The following ST6GALNAC3 variants were observed in gnomAD, a reference collection of about 807,000 sequenced individuals.
ST6GALNAC3 encodes the protein alpha-N-acetylgalactosaminide alpha-2,6-sialyltransferase 3.
In ST6GALNAC3, 25 loss-of-function variants were observed where a neutral mutation model predicts 32.7. The observed-to-expected ratio is 0.76, with a 90% CI of 0.56 to 1.07. The LOEUF (loss-of-function observed/expected upper bound fraction) is 1.07. Ranked by LOEUF, ST6GALNAC3 falls within the 50% of genes least tolerant of loss-of-function variation. ST6GALNAC3 has a pLI of 0.00. For synonymous variants in ST6GALNAC3, 129 were observed against 133.1 expected (o/e 0.97, Z 0.21); for missense variants, 355 against 382.4 (o/e 0.93, Z 0.60).
chr1:76,387,473 T>A (rs1013955739), intron 2 of ST6GALNAC3, among the ~76,000 whole-genome samples: 1 of 152,132 alleles, frequency 6.6e-6, no homozygotes, highest in South Asian at 2.1e-4. Context: ...GTTTAGATGC[T>A]TTTTGGTTTG....
intron 1 of ST6GALNAC3, among the ~76,000 whole-genome samples, chr1:76,261,070 T>C (rs1658207185): frequency 2.0e-5 from 3 of 152,038 alleles, no homozygotes; most frequent in African/African-American, 7.2e-5. Flanking sequence ...GTTTATTCTT[T>C]ATATTATATT....
intron 3 of ST6GALNAC3, among the ~76,000 whole-genome samples, chr1:76,443,297 G>C (rs1273635930): frequency 6.6e-6 from 1 of 152,104 alleles, no homozygotes; most frequent in African/African-American, 2.4e-5. Flanking sequence ...GGGACTATAG[G>C]CATGAGCCAC....
chr1:76,079,397 C>T (rs1646859727), intron 1 of ST6GALNAC3, among the ~76,000 whole-genome samples: 1 of 152,120 alleles, frequency 6.6e-6, no homozygotes, highest in African/African-American at 2.4e-5. Context: ...CCTTGGTCAG[C>T]AGGTACATTT....
intron 2 of ST6GALNAC3, among the ~76,000 whole-genome samples, chr1:76,329,894 C>T (rs763129847): frequency 3.3e-5 from 5 of 150,932 alleles, no homozygotes; most frequent in Non-Finnish European, 7.4e-5. Flanking sequence ...CTGCAACCTC[C>T]ATCTCCCAGG....
Position 76,412,320 on chromosome 1 carries a change from A to G in ST6GALNAC3, c.526A>G (p.Thr176Ala). 1 of 1,613,724 alleles carries G rather than the reference A, an allele frequency of 6.2e-7. No homozygotes were observed. The highest frequency in any genetic ancestry group is 8.5e-7 in the Non-Finnish European group (1 of 1,179,800). Residue 176 changes from threonine (T) to alanine (A), a missense_variant, in exon 3 of 5, where the codon ACA (threonine) becomes GCA (alanine). Physicochemically the swap from Thr to Ala is moderately conservative, Grantham distance 58. Transcript: ENST00000328299. ...NGIVYNMLKK[T>A]VGIYPNAQIY... ...CATCGTTTACAACATGTTGAAAAAGACAGTTGGTATCTATCCGAATGCCCA... is the reference window on the plus strand; with the variant it reads ...CATCGTTTACAACATGTTGAAAAAGGCAGTTGGTATCTATCCGAATGCCCA...
intron 3 of ST6GALNAC3, among the ~76,000 whole-genome samples, chr1:76,557,948 C>T (rs1043330587): frequency 6.6e-6 from 1 of 151,992 alleles, no homozygotes; most frequent in Non-Finnish European, 1.5e-5. Context: ...AGGAAGAATA[C>T]AAAAGATGAA....
chr1:76,622,699 G>A (rs1168662770), intron 3 of ST6GALNAC3, among the ~76,000 whole-genome samples: 1 of 151,986 alleles, frequency 6.6e-6, no homozygotes, highest in Non-Finnish European at 1.5e-5. Flanking sequence ...TAGAGAAAGT[G>A]CTACAATTTT....
rs1300239733 is a variant in ST6GALNAC3 at position 76,583,599 on chromosome 1, G to C, written c.624-43853G>C. On this transcript the variant is annotated intron_variant, in intron 3 of 4. Transcript: ENST00000328299. ...CTAGTGATTTAACAAAAATGAAAGA[G>C]TGCCTGCCACTGTATAATGATTTAA... 3.3e-5 allele frequency among the ~76,000 whole-genome samples: 5 copies of C among 152,198 alleles called. No homozygotes were observed. In the East Asian group the frequency reaches 9.7e-4, roughly 29 times the overall value.
intron 3 of ST6GALNAC3, among the ~76,000 whole-genome samples, chr1:76,540,256 A>G (rs1663906826): frequency 1.3e-5 from 2 of 152,170 alleles, no homozygotes; most frequent in Admixed American, 6.6e-5. Context: ...TAACACAGGA[A>G]CAGAAAACCA....
chr1:76,249,807 C>T (rs1365649794), intron 1 of ST6GALNAC3, among the ~76,000 whole-genome samples: 1 of 152,130 alleles, frequency 6.6e-6, no homozygotes, highest in Admixed American at 6.6e-5. Flanking sequence ...ATGTCAGTGA[C>T]TATGAAGTGT....
At chr1:76,498,150 GA>G (rs1262935760) in intron 3 of ST6GALNAC3, among the ~76,000 whole-genome samples, 1 of 152,190 alleles carries the variant, frequency 6.6e-6, no homozygotes, top group African/African-American at 2.4e-5. Flanking sequence ...ACTCTGAGCA[GA>G]ATCCTGGTCT....
chr1:76,450,894 G>A (rs1056965989), intron 3 of ST6GALNAC3, among the ~76,000 whole-genome samples: 1 of 152,092 alleles, frequency 6.6e-6, no homozygotes, highest in African/African-American at 2.4e-5. Flanking sequence ...TCTACATTCT[G>A]TCCATTGGTC....
At chr1:76,470,228 C>T (rs899285049) in intron 3 of ST6GALNAC3, among the ~76,000 whole-genome samples, 2 of 151,932 alleles carry the variant, frequency 1.3e-5, no homozygotes, top group Non-Finnish European at 2.9e-5. Flanking sequence ...TATTGCTTTG[C>T]CATTCTGTGC....
At chr1:76,270,309 C>T (rs903514219) in intron 1 of ST6GALNAC3, among the ~76,000 whole-genome samples, 1 of 151,892 alleles carries the variant, frequency 6.6e-6, no homozygotes, top group Non-Finnish European at 1.5e-5. Context: ...GAGTTCAAGA[C>T]CAGCTTGGCC....
chr1:76,265,178 G>A (rs11810865), intron 1 of ST6GALNAC3, among the ~76,000 whole-genome samples: 9,306 of 152,172 alleles, frequency 0.061, 940 homozygotes, highest in African/African-American at 0.21. Flanking sequence ...GGTAAGCACA[G>A]CTAAAGTTTG....
At chr1:76,585,741 C>T (rs147892756) in intron 3 of ST6GALNAC3, among the ~76,000 whole-genome samples, 2 of 152,276 alleles carry the variant, frequency 1.3e-5, no homozygotes, top group Non-Finnish European at 2.9e-5. Context: ...TTCCATAAGC[C>T]CTTCCTTAGA....
At chr1:76,127,981 A>G (rs188992353) in intron 1 of ST6GALNAC3, among the ~76,000 whole-genome samples, 30 of 152,074 alleles carry the variant, frequency 2.0e-4, no homozygotes, top group African/African-American at 7.2e-4. Context: ...TGATGTTCCT[A>G]TGTAGCAGTT....
At chr1:76,220,912 A>C (rs1423754699) in intron 1 of ST6GALNAC3, among the ~76,000 whole-genome samples, 1 of 152,236 alleles carries the variant, frequency 6.6e-6, no homozygotes, top group African/African-American at 2.4e-5. Flanking sequence ...CAGTCTTGAC[A>C]GGTGCATAGT....
At chr1:76,165,375 T>C (rs1268656798) in intron 1 of ST6GALNAC3, among the ~76,000 whole-genome samples, 1 of 152,216 alleles carries the variant, frequency 6.6e-6, no homozygotes, top group Non-Finnish European at 1.5e-5. Flanking sequence ...TTGCATAGTA[T>C]TCCGTGGTAT....
Sources: gnomAD v4.1 joint callset for allele counts (sites outside exome capture counted in the v4.1 genomes callset) on GRCh38, gnomAD v4.1.1 for gene constraint, MANE v1.5 for transcripts, NCBI Gene and HGNC (gene_info 2026-07-23, HGNC 2026-07-21) for gene names.